PSD3: variants seen among roughly 807,000 people sequenced by gnomAD.
PSD3 encodes PH and SEC7 domain-containing protein 3.
PSD3 carries 49 observed loss-of-function variants against 105.5 expected under a neutral mutation model. That is an observed-to-expected ratio of 0.46 (90% CI 0.37 to 0.59). The LOEUF is 0.59. PSD3 is among the 20% of genes least tolerant of loss of function. PSD3 has a pLI of 0.00. For missense variants in PSD3, 1,561 were observed against 1,263.8 expected (o/e 1.24, Z -3.57); for synonymous variants, 557 against 457.8 (o/e 1.22, Z -2.77).
At position 18,594,457 on chromosome 8, in the gene PSD3, T is replaced by C. The variant is rs558933483; in HGVS notation, c.2481+5907A>G. Among the ~76,000 whole-genome samples the C allele has an allele frequency of 3.0e-4, 39 of 128,584 alleles. No homozygotes were observed. In the East Asian group the frequency reaches 4.9e-3, roughly 16 times the overall value. The allele number at this position is 128,584 out of a possible 152,430, so 84.4% of individuals were successfully genotyped here. A position where few individuals can be genotyped will look rare whatever the true frequency, so the allele number is the denominator to read the frequency against. The stretch of plus-strand genomic sequence containing the variant: ...AATATATTATATTATTTATATATTA[T>C]ATTATATATATACAAAAGAAAGAAA... On this transcript the variant is annotated intron_variant, in intron 12 of 15. Transcript: ENST00000327040.
chr8:18,554,478 C>A (rs1021016604), intron 15 of PSD3, among the ~76,000 whole-genome samples: 1 of 151,994 alleles, frequency 6.6e-6, no homozygotes, highest in South Asian at 2.1e-4. Flanking sequence ...ATAAATAGTT[C>A]TCTTAGTAGA....
intron 1 of PSD3, among the ~76,000 whole-genome samples, chr8:19,058,376 T>C (rs1828778939): frequency 1.3e-5 from 2 of 149,772 alleles, no homozygotes; most frequent in South Asian, 2.1e-4. Context: ...GTGATAGTTG[T>C]ACAAATTTAT....
At chr8:18,998,641 CTT>C (rs1218057863) in intron 1 of PSD3, among the ~76,000 whole-genome samples, 1 of 151,946 alleles carries the variant, frequency 6.6e-6, no homozygotes, top group Non-Finnish European at 1.5e-5. Context: ...GAGCCAAGAT[CTT>C]GCCACTGCAC....
intron 9 of PSD3, among the ~76,000 whole-genome samples, chr8:18,755,723 G>A (rs1000346044): frequency 4.7e-5 from 7 of 148,644 alleles, no homozygotes; most frequent in Admixed American, 3.4e-4. Context: ...CATCTGTTCT[G>A]TTAAAACATT....
Position 18,776,296 on chromosome 8 carries a change from A to G in PSD3, c.2083-10758T>C, listed in dbSNP as rs144027797. 7.4e-3 allele frequency among the ~76,000 whole-genome samples: 1,086 copies of G among 147,180 alleles called. 18 individuals carry two copies. The highest frequency in any genetic ancestry group is 0.025 in the Middle Eastern group (7 of 278). On this transcript the variant is annotated intron_variant, in intron 8 of 15. Transcript: ENST00000327040. ...TAATGTATAAATATATATATAATGTATAAATATATATAGTATAAAATATAT... is the reference window on the plus strand; with the variant it reads ...TAATGTATAAATATATATATAATGTGTAAATATATATAGTATAAAATATAT...
chr8:18,581,586 G>A (rs1260851502), intron 12 of PSD3, among the ~76,000 whole-genome samples: 2 of 152,112 alleles, frequency 1.3e-5, no homozygotes, highest in Non-Finnish European at 2.9e-5. Flanking sequence ...GAGAGTTATA[G>A]CAAGTAGAAA....
At chr8:18,788,634 A>T (rs1563268843) in intron 8 of PSD3, among the ~76,000 whole-genome samples, 1 of 152,192 alleles carries the variant, frequency 6.6e-6, no homozygotes, top group Non-Finnish European at 1.5e-5. Flanking sequence ...CTTTGCGGAA[A>T]ACGTGCTTTT....
At chr8:18,740,970 C>T (rs1804527107) in intron 9 of PSD3, among the ~76,000 whole-genome samples, 2 of 152,016 alleles carry the variant, frequency 1.3e-5, no homozygotes, top group Non-Finnish European at 2.9e-5. Context: ...CTTATCTGAC[C>T]CTCAAGAAAT....
chr8:19,036,402 C>G (rs949719480), intron 1 of PSD3, among the ~76,000 whole-genome samples: 1 of 152,114 alleles, frequency 6.6e-6, no homozygotes, highest in Admixed American at 6.6e-5. Context: ...TTTAGACCCG[C>G]CTCCTGTCAT....
intron 11 of PSD3, among the ~76,000 whole-genome samples, chr8:18,614,341 C>A (rs1357439358): frequency 7.8e-6 from 1 of 127,428 alleles, no homozygotes; most frequent in Non-Finnish European, 1.6e-5. Context: ...TCTCCCCCAT[C>A]CCCCCCCCAA....
intron 4 of PSD3, among the ~76,000 whole-genome samples, chr8:18,866,970 G>A (rs1048622519): frequency 3.3e-5 from 5 of 151,942 alleles, no homozygotes; most frequent in African/African-American, 4.8e-5. Flanking sequence ...TGAGGATGAC[G>A]AGCATGAAGA....
At chr8:19,027,134 T>C (rs957334604) in intron 1 of PSD3, among the ~76,000 whole-genome samples, 1 of 152,162 alleles carries the variant, frequency 6.6e-6, no homozygotes, top group African/African-American at 2.4e-5. Context: ...CATTTGTTTC[T>C]GAAAGGAAGG....
intron 14 of PSD3, among the ~76,000 whole-genome samples, chr8:18,556,744 T>C (rs997129439): frequency 6.6e-6 from 1 of 152,242 alleles, no homozygotes; most frequent in South Asian, 2.1e-4. Context: ...CACTCAGCAA[T>C]GCTGCCAGCT....
At position 18,575,297 on chromosome 8, in the gene PSD3, C is replaced by A; in HGVS notation, c.2482-12G>T. On this transcript the variant is annotated splice_polypyrimidine_tract_variant and intron_variant, in intron 12 of 15. Transcript: ENST00000327040. Reference sequence around the variant, plus strand: ...GGCTTGTATTCATCCTATAGATGGACACAAAGAAAATAAAGGCAAAAATCA... The same window carrying A: ...GGCTTGTATTCATCCTATAGATGGAAACAAAGAAAATAAAGGCAAAAATCA... 1.3e-6 allele frequency: 2 copies of A among 1,525,680 alleles called. No individual in the cohort carries two copies. Among genetic ancestry groups the A allele is most frequent in the South Asian group, 1.3e-5 (1 of 76,618 alleles). The allele number at this position is 1,525,680 out of a possible 1,614,324, so 94.5% of individuals were successfully genotyped here. A position where few individuals can be genotyped will look rare whatever the true frequency, so the allele number is the denominator to read the frequency against.
rs1799597248 is a variant in PSD3, at chr8:18,530,666, CT to C, written c.*5076del. ...TTAAGTGCTCTTAATACTAAAGTTA[CT>C]AAGACTGCACAGGCTGCCTTTTTTT... On this transcript the variant is annotated 3_prime_UTR_variant, in exon 16 of 16. Coordinates refer to ENST00000327040, the MANE Select transcript of PSD3 (RefSeq NM_015310.4). 2 of 149,796 alleles carry C rather than the reference CT, an allele frequency of 1.3e-5. No individual in the cohort carries two copies. The highest frequency in any genetic ancestry group is 4.9e-5 in the African/African-American group (2 of 40,852). 9.3% of individuals were successfully genotyped at this position (149,796 alleles called of 1,614,324 possible).
intron 12 of PSD3, among the ~76,000 whole-genome samples, chr8:18,595,718 C>T (rs1445396610): frequency 1.3e-5 from 2 of 151,930 alleles, no homozygotes; most frequent in African/African-American, 2.4e-5. Flanking sequence ...ACAGTTGTAA[C>T]CATTATTAGT....
At position 18,550,726 on chromosome 8, in the gene PSD3, C is replaced by A. The variant is rs112499045; in HGVS notation, c.2928+5483G>T. On this transcript the variant is annotated intron_variant, in intron 15 of 15. Coordinates refer to ENST00000327040, the MANE Select transcript of PSD3 (RefSeq NM_015310.4). ...TGAAAGCATACCACTTTTGCACTAT[C>A]ATCAAGTTGAAAAATTGTAAGTCAA... Among the ~76,000 whole-genome samples the A allele has an allele frequency of 2.5e-3, 377 of 152,234 alleles. 2 individuals carry two copies. Among genetic ancestry groups the A allele is most frequent in the Admixed American group, 4.4e-3 (67 of 15,292 alleles).
intron 4 of PSD3, among the ~76,000 whole-genome samples, chr8:18,841,861 C>A (rs1360714664): frequency 6.6e-6 from 1 of 151,976 alleles, no homozygotes; most frequent in Non-Finnish European, 1.5e-5. Flanking sequence ...GTAAAGAGAC[C>A]CTAATCCCTT....
intron 9 of PSD3, chr8:18,684,046 C>T (rs964918622): frequency 2.5e-5 from 16 of 638,716 alleles, no homozygotes; most frequent in South Asian, 5.9e-5. Context: ...AGCTCCTGAG[C>T]GCCGTGATCC....
Sources: allele counts gnomAD v4.1 joint callset (sites outside exome capture counted in the v4.1 genomes callset), GRCh38; gene constraint gnomAD v4.1.1; transcripts MANE v1.5; gene names NCBI Gene and HGNC (gene_info 2026-07-23, HGNC 2026-07-21).